PIP5K1B: variants seen among roughly 807,000 people sequenced by gnomAD.
PIP5K1B encodes phosphatidylinositol 4-phosphate 5-kinase type-1 beta.
A neutral mutation model predicts 67.0 loss-of-function variants in PIP5K1B; 42 were observed. The ratio of observed to expected loss-of-function variants is 0.63; its 90% CI spans 0.49 to 0.81. The LOEUF is 0.81. Among genes scored for constraint, PIP5K1B ranks in the 30% least tolerant of loss-of-function variants. The pLI is 0.00. For missense variants in PIP5K1B, 459 were observed against 646.3 expected (o/e 0.71, Z 3.14); for synonymous variants, 214 against 231.4 (o/e 0.92, Z 0.68).
chr9:68,855,773 A>G (rs1036781710), intron 4 of PIP5K1B, among the ~76,000 whole-genome samples: 15 of 152,122 alleles, frequency 9.9e-5, no homozygotes, highest in Admixed American at 4.6e-4. Flanking sequence ...AATCCCTCCA[A>G]TGAAACTGGT....
At chr9:68,867,847 A>ATG (rs1231660593) in intron 5 of PIP5K1B, among the ~76,000 whole-genome samples, 13 of 152,230 alleles carry the variant, frequency 8.5e-5, no homozygotes, top group Admixed American at 8.5e-4. Context: ...CAACGAGTCT[A>ATG]TCTGGGTCAT....
chr9:68,988,863 G>C (rs368304743), intron 14 of PIP5K1B, among the ~76,000 whole-genome samples: 15 of 151,878 alleles, frequency 9.9e-5, no homozygotes, highest in Non-Finnish European at 2.1e-4. Context: ...TTGGGAGGCC[G>C]AGGTGGGTGA....
In PIP5K1B at chr9:68,881,257, C is replaced by A. The variant is rs188006715; in HGVS notation, c.318+4463C>A. Among the ~76,000 whole-genome samples, 5 of 152,292 alleles carry A rather than the reference C, an allele frequency of 3.3e-5. 1 individual carries two copies. Among genetic ancestry groups the A allele is most frequent in the Admixed American group, 3.3e-4 (5 of 15,304 alleles). On this transcript the variant is annotated intron_variant, in intron 6 of 15. Coordinates refer to ENST00000265382, the MANE Select transcript of PIP5K1B (RefSeq NM_003558.4). ...AACTAGCCTCTTCCTAGCCCATTGA[C>A]CTGTGATTGTCCATTCTGAAGAATA...
chr9:68,882,408 G>A (rs929496753), intron 6 of PIP5K1B, among the ~76,000 whole-genome samples: 1 of 152,058 alleles, frequency 6.6e-6, no homozygotes, highest in Non-Finnish European at 1.5e-5. Context: ...TTATTAAAGT[G>A]GATCAAAACA....
In PIP5K1B at chr9:68,826,385, C is replaced by T. The variant is rs148702683; in HGVS notation, c.69+3702C>T. On this transcript the variant is annotated intron_variant, in intron 4 of 15. Coordinates refer to ENST00000265382, the MANE Select transcript of PIP5K1B (RefSeq NM_003558.4). ...TAGCCAACAGAGCTATGAATGAATG[C>T]TCGCCCAGGGTTGCCAGATACTCTG... Among the ~76,000 whole-genome samples, 167 of 152,316 alleles carry T rather than the reference C, an allele frequency of 1.1e-3. 2 individuals carry two copies. Among genetic ancestry groups the T allele is most frequent in the African/African-American group, 3.7e-3 (154 of 41,578 alleles).
At chr9:69,007,633 G>A (rs947475542) in intron 15 of PIP5K1B, among the ~76,000 whole-genome samples, 1 of 152,144 alleles carries the variant, frequency 6.6e-6, no homozygotes, top group African/African-American at 2.4e-5. Context: ...CAAGGTGGGC[G>A]GATCACTAGG....
chr9:68,719,114 C>G (rs1827764635), intron 1 of PIP5K1B, among the ~76,000 whole-genome samples: 1 of 152,066 alleles, frequency 6.6e-6, no homozygotes, highest in Non-Finnish European at 1.5e-5. Flanking sequence ...TTCTTCTGCC[C>G]TGTTTTTGGG....
At chr9:68,959,636 A>C (rs891946441) in intron 14 of PIP5K1B, among the ~76,000 whole-genome samples, 1 of 152,060 alleles carries the variant, frequency 6.6e-6, no homozygotes, top group Admixed American at 6.5e-5. Context: ...TCTATTCTCC[A>C]AGTAGAGTTG....
At chr9:68,934,560 A>AG (rs1827158988) in intron 12 of PIP5K1B, among the ~76,000 whole-genome samples, 1 of 152,118 alleles carries the variant, frequency 6.6e-6, no homozygotes, top group Non-Finnish European at 1.5e-5. Context: ...TTGTTTGGAG[A>AG]GGGGGGAATG....
chr9:68,971,191 G>T (rs1190448724), intron 14 of PIP5K1B, among the ~76,000 whole-genome samples: 1 of 152,056 alleles, frequency 6.6e-6, no homozygotes, highest in Non-Finnish European at 1.5e-5. Flanking sequence ...TCCCTTCCCT[G>T]TGCCCATATG....
At chr9:68,781,704 G>A (rs147539592) in intron 2 of PIP5K1B, 572 of 166,110 alleles carry the variant, frequency 3.4e-3, no homozygotes, top group Non-Finnish European at 6.5e-3. Flanking sequence ...ATTCTAGTCA[G>A]TCATACAACT....
At chr9:68,794,341 C>A (rs1420761512) in intron 2 of PIP5K1B, among the ~76,000 whole-genome samples, 3 of 152,180 alleles carry the variant, frequency 2.0e-5, no homozygotes, top group Non-Finnish European at 4.4e-5. Context: ...CTCCTTTACA[C>A]GTATGTGATT....
intron 2 of PIP5K1B, among the ~76,000 whole-genome samples, chr9:68,761,522 G>A (rs1370067639): frequency 2.0e-5 from 3 of 152,098 alleles, no homozygotes; most frequent in Non-Finnish European, 4.4e-5. Context: ...TTCTGGAAGT[G>A]AGAAGGCCAA....
intron 5 of PIP5K1B, among the ~76,000 whole-genome samples, chr9:68,868,392 T>G (rs1823462889): frequency 6.6e-6 from 1 of 152,224 alleles, no homozygotes; most frequent in South Asian, 2.1e-4. Flanking sequence ...TAACATATAT[T>G]AATTTTTATT....
intron 4 of PIP5K1B, among the ~76,000 whole-genome samples, chr9:68,841,011 A>G (rs1821893802): frequency 6.6e-6 from 1 of 152,200 alleles, no homozygotes; most frequent in East Asian, 1.9e-4. Context: ...AGTAGATACC[A>G]ACTGTGATCC....
chr9:68,970,294 T>C (rs1417596794), intron 14 of PIP5K1B, among the ~76,000 whole-genome samples: 4 of 152,256 alleles, frequency 2.6e-5, no homozygotes, highest in Non-Finnish European at 5.9e-5. Context: ...TCCAGAATTA[T>C]AGCTAGGGTT....
chr9:68,767,509 G>A (rs898857687), intron 2 of PIP5K1B, among the ~76,000 whole-genome samples: 5 of 150,164 alleles, frequency 3.3e-5, no homozygotes, highest in South Asian at 2.1e-4. Flanking sequence ...CAGGGGAATC[G>A]CTTGAACCTG....
At chr9:68,979,120 G>A (rs1829771534) in intron 14 of PIP5K1B, among the ~76,000 whole-genome samples, 1 of 152,096 alleles carries the variant, frequency 6.6e-6, no homozygotes, top group South Asian at 2.1e-4. Flanking sequence ...TTGAACCATG[G>A]TTGCTGGGGA....
chr9:68,976,257 C>A (rs1224837516), intron 14 of PIP5K1B, among the ~76,000 whole-genome samples: 1 of 152,196 alleles, frequency 6.6e-6, no homozygotes, highest in Non-Finnish European at 1.5e-5. Context: ...GCTTACACAG[C>A]AAAAGGCATT....
Sources: gnomAD v4.1 joint callset for allele counts (sites outside exome capture counted in the v4.1 genomes callset) on GRCh38, gnomAD v4.1.1 for gene constraint, MANE v1.5 for transcripts, NCBI Gene and HGNC (gene_info 2026-07-23, HGNC 2026-07-21) for gene names.